The following CREB3L3 variants were observed in gnomAD, a reference collection of about 807,000 sequenced individuals.
CREB3L3 encodes cyclic AMP-responsive element-binding protein 3-like protein 3.
CREB3L3 carries 40 observed loss-of-function variants against 44.6 expected under a neutral mutation model. The ratio of observed to expected loss-of-function variants is 0.90; its 90% CI spans 0.70 to 1.17. The LOEUF (loss-of-function observed/expected upper bound fraction) is 1.17, where lower values mean the gene tolerates loss of function less well. Among genes scored for constraint, CREB3L3 ranks in the 50% most tolerant of loss-of-function variants. CREB3L3 has a pLI of 0.00. For synonymous variants in CREB3L3, 273 were observed against 256.3 expected (o/e 1.06, Z -0.62); for missense variants, 578 against 595.8 (o/e 0.97, Z 0.31).
At chr19:4,157,366 G>C (rs1390967706) in intron 3 of CREB3L3, 71 bp downstream of exon 3, 3 of 1,526,474 alleles carry the variant, frequency 2.0e-6, no homozygotes, top group Non-Finnish European at 2.7e-6. Context: ...TGAGGAAATG[G>C]AGGCCCAGAG....
intron 4 of CREB3L3, among the ~76,000 whole-genome samples, chr19:4,163,761 C>T (rs2041691173): frequency 6.6e-6 from 1 of 151,724 alleles, no homozygotes; most frequent in Non-Finnish European, 1.5e-5. Flanking sequence ...GATCCACCTG[C>T]CTCGGCCTCC....
At chr19:4,156,107 C>CTCTG (rs2041570853) in intron 2 of CREB3L3, among the ~76,000 whole-genome samples, 1 of 133,644 alleles carries the variant, frequency 7.5e-6, no homozygotes, top group Non-Finnish European at 1.6e-5. Context: ...CTCTCTCTCT[C>CTCTG]TCTCTCTCTC....
At chr19:4,162,486 C>A (rs1344546040) in intron 4 of CREB3L3, among the ~76,000 whole-genome samples, 1 of 138,918 alleles carries the variant, frequency 7.2e-6, no homozygotes, top group Non-Finnish European at 1.5e-5. Flanking sequence ...TGAAGACCAG[C>A]CTGGGCAACA....
chr19:4,154,820 G>A lies in CREB3L3; in HGVS notation c.28-79G>A, dbSNP rs994449574. ...GCGGCAACTGAACTCTAGCCGGAAA[G>A]AGCCAGGGTTATGTGCACATGGGAG... On this transcript the variant is annotated intron_variant, in intron 1 of 9. Coordinates refer to ENST00000078445, the MANE Select transcript of CREB3L3 (RefSeq NM_032607.3). 8.1e-6 allele frequency: 13 copies of A among 1,604,312 alleles called. No homozygotes were observed. In the African/African-American group the frequency reaches 1.7e-4, roughly 21 times the overall value.
intron 1 of CREB3L3, 73 bp from the exon 2 acceptor site, chr19:4,154,826 G>C: frequency 6.2e-7 from 1 of 1,608,266 alleles, no homozygotes; most frequent in South Asian, 1.1e-5. Context: ...GAAAGAGCCA[G>C]GGTTATGTGC....
intron 4 of CREB3L3, among the ~76,000 whole-genome samples, chr19:4,163,633 C>A (rs1458640229): frequency 6.6e-6 from 1 of 152,036 alleles, no homozygotes; most frequent in Non-Finnish European, 1.5e-5. Flanking sequence ...CTGCCTCAGC[C>A]TCCCGAGTAG....
rs749480478 is a variant in CREB3L3, at chr19:4,171,918, G to A, written c.1335G>A (p.Pro445=). 15 of 1,611,500 alleles carry A rather than the reference G, an allele frequency of 9.3e-6. No individual in the cohort carries two copies. The highest frequency in any genetic ancestry group is 3.3e-5 in the Admixed American group (2 of 59,820). The change falls in exon 10 of 10, where the codon CCG becomes CCA. Residue 445 remains proline (P), a synonymous_variant. Transcript: ENST00000078445. The surrounding 1 kb of genome is among the most constrained non-coding windows in gnomAD (Gnocchi z 4.9). ...TGCTGGACTGGGTGGCGCCTGGGCC[G>A]AGCACTGGCTCAGGACGTGCAGGGC... ...VALLDWVAPG[P]STGSGRAGLE... is the part of the protein sequence containing the mutation.
At chr19:4,169,284 G>A (rs1283175708) in intron 6 of CREB3L3, among the ~76,000 whole-genome samples, 1 of 151,644 alleles carries the variant, frequency 6.6e-6, no homozygotes, top group Non-Finnish European at 1.5e-5. Flanking sequence ...GAGTTCAGGA[G>A]ATCGAGACCA....
At chr19:4,158,877 A>G (rs1447658010) in intron 3 of CREB3L3, among the ~76,000 whole-genome samples, 1 of 151,700 alleles carries the variant, frequency 6.6e-6, no homozygotes, top group Non-Finnish European at 1.5e-5. Context: ...CTGCCCAACC[A>G]GGATTAGAAC....
At chr19:4,165,264 C>G (rs540740784) in intron 5 of CREB3L3, among the ~76,000 whole-genome samples, 6 of 147,752 alleles carry the variant, frequency 4.1e-5, no homozygotes, top group African/African-American at 1.5e-4. Flanking sequence ...ACCTCCTGGG[C>G]TCAAGAGATC....
chr19:4,171,065 A>G lies in CREB3L3; in HGVS notation c.891-26A>G. ...GCAGAACCGAGGCCCTTTAGGGCTC[A>G]GCGGAGGCCTGCCTGTCTCTCTAAG... On this transcript the variant is annotated intron_variant, in intron 7 of 9. Transcript: ENST00000078445. This position sits in a 1 kb window ranked among gnomAD's most constrained non-coding sequence, Gnocchi z 4.9. 1.3e-6 allele frequency: 2 copies of G among 1,595,002 alleles called. No homozygotes were observed. Among genetic ancestry groups the G allele is most frequent in the Middle Eastern group, 1.7e-4 (1 of 6,038 alleles).
intron 7 of CREB3L3, among the ~76,000 whole-genome samples, chr19:4,170,697 C>G (rs350850): frequency 6.6e-6 from 1 of 151,012 alleles, no homozygotes; most frequent in East Asian, 2.0e-4. Flanking sequence ...ATCACAAGGT[C>G]GGGAGATCAA....
intron 2 of CREB3L3, among the ~76,000 whole-genome samples, chr19:4,156,401 G>A (rs2041577571): frequency 6.6e-6 from 1 of 151,434 alleles, no homozygotes; most frequent in African/African-American, 2.4e-5. Flanking sequence ...TGGTCAGGCT[G>A]GTCTCAAACT....
In CREB3L3 at chr19:4,158,972, A is replaced by G. The variant is rs544361385; in HGVS notation, c.458-692A>G. On this transcript the variant is annotated intron_variant, in intron 3 of 9. Coordinates refer to ENST00000078445, the MANE Select transcript of CREB3L3 (RefSeq NM_032607.3). Reference sequence around the variant, plus strand: ...ACCAGGAGGGGACAACCAGAGGTGAATCAGACCTCGTCCCTGCCCCTTGGG... The same window carrying G: ...ACCAGGAGGGGACAACCAGAGGTGAGTCAGACCTCGTCCCTGCCCCTTGGG... Among the ~76,000 whole-genome samples, 12 of 152,250 alleles carry G rather than the reference A, an allele frequency of 7.9e-5. No individual in the cohort carries two copies. The South Asian group carries it at 2.5e-3, about 32-fold the overall frequency.
At chr19:4,168,875 G>T (rs350856) in intron 6 of CREB3L3, among the ~76,000 whole-genome samples, 124,495 of 151,850 alleles carry the variant, frequency 0.82, 51,624 homozygotes, top group Middle Eastern at 0.9. Context: ...GGGATTACAG[G>T]TGCATGGCCA....
chr19:4,166,750 G>A (rs981665229), intron 5 of CREB3L3, among the ~76,000 whole-genome samples: 2 of 151,466 alleles, frequency 1.3e-5, no homozygotes, highest in East Asian at 1.9e-4. Context: ...TCACTTTGTC[G>A]CTCAGGCTGG....
In CREB3L3 at chr19:4,171,692, G is replaced by A. The variant is rs140472419; in HGVS notation, c.1109G>A (p.Arg370His). The stretch of plus-strand genomic sequence containing the variant: ...ACTTTGCACAACGATGCTGCCTCCC[G>A]CGTGGCTGCTGATGCTGTGCCAGGC... ...SRTLHNDAASRVAADAVPGSE... is the reference protein window; with the variant it reads ...SRTLHNDAASHVAADAVPGSE... The change falls in exon 10 of 10, where the codon CGC becomes CAC. Residue 370 changes from arginine to histidine, a missense_variant. Arg to His is a conservative substitution (Grantham distance 29, BLOSUM62 0). Transcript: ENST00000078445. The surrounding 1 kb of genome is among the most constrained non-coding windows in gnomAD (Gnocchi z 4.9). 12 of 1,613,072 alleles carry A rather than the reference G, an allele frequency of 7.4e-6. No homozygotes were observed. Among genetic ancestry groups the A allele is most frequent in the East Asian group, 4.5e-5 (2 of 44,874 alleles).
rs775653860 is a variant in CREB3L3 at position 4,159,703 on chromosome 19, C to T, written c.497C>T (p.Pro166Leu). 9.1e-5 allele frequency: 146 copies of T among 1,598,030 alleles called. No individual in the cohort carries two copies. Among genetic ancestry groups the T allele is most frequent in the Non-Finnish European group, 1.2e-4 (135 of 1,165,504 alleles). ...SPGGRICAEK[P>L]ADPVDLSPRC... ...GGAGGAAGGATCTGTGCTGAGAAGC[C>T]GGCTGATCCGGTGGACCTGTCCCCA... is the stretch of plus-strand genomic sequence containing the variant. The change falls in exon 4 of 10, where the codon CCG becomes CTG. Residue 166 changes from proline to leucine, a missense_variant. Physicochemically the swap from Pro to Leu is moderately conservative, Grantham distance 98 (BLOSUM62 -3). Transcript: ENST00000078445.
At chr19:4,170,746 A>C (rs1392662091) in intron 7 of CREB3L3, among the ~76,000 whole-genome samples, 6 of 151,232 alleles carry the variant, frequency 4.0e-5, no homozygotes, top group Admixed American at 2.0e-4. Flanking sequence ...CGTCTCTACT[A>C]AAAATACAAA....
Sources: gnomAD v4.1 joint callset for allele counts (sites outside exome capture counted in the v4.1 genomes callset) on GRCh38, gnomAD v4.1.1 for gene constraint, Gnocchi (gnomAD v3.1) non-coding constraint, MANE v1.5 for transcripts, NCBI Gene and HGNC (gene_info 2026-07-23, HGNC 2026-07-21) for gene names.